Variants in HPS1 observed in about 807,000 individuals in gnomAD.
The protein encoded by HPS1 is HPS1 biogenesis of lysosomal organelles complex 3 subunit 1, also known as BLOC-3 complex member HPS1.
Under a neutral mutation model 90.6 loss-of-function variants are expected in HPS1, and 59 were observed. The observed-to-expected ratio is 0.65, with a 90% CI of 0.53 to 0.81. The LOEUF is 0.81. Ranked by LOEUF, HPS1 falls within the 30% of genes least tolerant of loss-of-function variation. The probability of loss-of-function intolerance (pLI) is 0.00; values close to 1 mark genes in which losing one functional copy is unlikely to be tolerated. For missense variants in HPS1, 849 were observed against 896.7 expected, an observed-to-expected ratio of 0.95 and a Z score of 0.68; for synonymous variants, 388 against 384.4, an observed-to-expected ratio of 1.01 and a Z score of -0.11.
chr10:98,418,202 A>G lies in HPS1; in HGVS notation c.1913T>C (p.Ile638Thr), dbSNP rs569110841. ...GTAGTAGTCTCCTCCCAGCATGCCGATAGGCACTGAGTCGTCGGAGAGGAC... is the reference window on the plus strand; with the variant it reads ...GTAGTAGTCTCCTCCCAGCATGCCGGTAGGCACTGAGTCGTCGGAGAGGAC... Reference protein sequence around the residue: ...VPVLSDDSVPIGMLGGDYYRK... With the variant: ...VPVLSDDSVPTGMLGGDYYRK... The change falls in exon 19 of 20, where the codon ATC becomes ACC. Residue 638 changes from isoleucine (I) to threonine (T), a missense_variant. By Grantham distance (89) the Ile-to-Thr change is moderately conservative. Coordinates refer to ENST00000361490, the MANE Select transcript of HPS1 (RefSeq NM_000195.5). The G allele has an allele frequency of 1.9e-6, 3 of 1,609,974 alleles. No homozygotes were observed. The highest frequency in any genetic ancestry group is 2.2e-5 in the South Asian group (2 of 90,578).
chr10:98,430,812 T>C (rs1243501524), intron 7 of HPS1, 142 bp from the exon 8 acceptor site: 2 of 739,408 alleles, frequency 2.7e-6, no homozygotes, highest in East Asian at 2.7e-5. Flanking sequence ...ATACAATTAA[T>C]TAACTCGTCA....
intron 3 of HPS1, chr10:98,442,588 C>A: frequency 5.8e-6 from 1 of 172,246 alleles, no homozygotes; most frequent in Non-Finnish European, 1.3e-5. Context: ...TCACTGCAGC[C>A]TCTACCACCT....
At chr10:98,420,457 T>C (rs903719057) in intron 17 of HPS1, 6 of 371,036 alleles carry the variant, frequency 1.6e-5, no homozygotes, top group African/African-American at 1.3e-4. Flanking sequence ...CTTACGCCTG[T>C]AATCCTAGCA....
intron 10 of HPS1, among the ~76,000 whole-genome samples, chr10:98,428,682 A>C (rs1273730800): frequency 6.9e-6 from 1 of 145,294 alleles, no homozygotes; most frequent in Non-Finnish European, 1.5e-5. Context: ...GATGATGTGG[A>C]GGGACCACAG....
In HPS1 at chr10:98,429,809, C is replaced by T. The variant is rs767934117; in HGVS notation, c.849G>A (p.Gly283=). The stretch of plus-strand genomic sequence containing the variant: ...CACACACCGTCTCTGCAGAGCTCCC[C>T]CCAGTTGGGCCCGTGGAGTGAGGGC... ...AWSPHSTGPT[G]GSSAETETDS... Residue 283 remains glycine (G), a synonymous_variant, in exon 9 of 20, where the codon GGG becomes GGA. Coordinates refer to ENST00000361490, the MANE Select transcript of HPS1 (RefSeq NM_000195.5). 5.0e-6 allele frequency: 8 copies of T among 1,613,716 alleles called. No homozygotes were observed. Among genetic ancestry groups the T allele is most frequent in the Middle Eastern group, 1.6e-4 (1 of 6,084 alleles).
chr10:98,437,268 C>G (rs1049317734), intron 3 of HPS1, among the ~76,000 whole-genome samples: 14 of 151,808 alleles, frequency 9.2e-5, no homozygotes, highest in Admixed American at 3.3e-4. Flanking sequence ...TAATGAATAC[C>G]CCACAGATAG....
At chr10:98,421,180 G>C (rs150806808) in intron 17 of HPS1, among the ~76,000 whole-genome samples, 2 of 152,206 alleles carry the variant, frequency 1.3e-5, no homozygotes, top group African/African-American at 4.8e-5. Context: ...CTGCATCGCC[G>C]TGTGATTACT....
intron 6 of HPS1, 95 bp from the exon 7 acceptor site, chr10:98,431,386 T>A: frequency 7.5e-7 from 1 of 1,338,530 alleles, no homozygotes; most frequent in Non-Finnish European, 1.0e-6. Context: ...CTGTCCACAG[T>A]GAGCTTGGAC....
Position 98,430,504 on chromosome 10 carries a change from T to A in HPS1, c.768+67A>T, listed in dbSNP as rs193290641. 14 of 1,242,322 alleles carry A rather than the reference T, an allele frequency of 1.1e-5. No homozygotes were observed. The African/African-American group carries it at 1.9e-4, about 17-fold the overall frequency. 77.0% of individuals were successfully genotyped at this position (1,242,322 alleles called of 1,614,324 possible). Reference sequence around the variant, plus strand: ...GTCCCCAGGGGGAGCCTGCCCACCATCTTCAGGCAGGTTTTCTGAACTACC... The same window carrying A: ...GTCCCCAGGGGGAGCCTGCCCACCAACTTCAGGCAGGTTTTCTGAACTACC... On this transcript the variant is annotated intron_variant, in intron 8 of 19. Transcript: ENST00000361490.
intron 13 of HPS1, among the ~76,000 whole-genome samples, chr10:98,425,004 G>A (rs1239549283): frequency 6.6e-6 from 1 of 152,226 alleles, no homozygotes; most frequent in Non-Finnish European, 1.5e-5. Context: ...CCTGATCTGG[G>A]CTTTGTCAGA....
intron 5 of HPS1, 54 bp from the exon 6 acceptor site, chr10:98,434,145 C>G (rs1164589572): frequency 4.6e-6 from 7 of 1,511,332 alleles, no homozygotes; most frequent in South Asian, 1.2e-5. Flanking sequence ...TGGTCTCCCC[C>G]ACACCCAACC....
At chr10:98,426,342 T>C (rs181677958) in intron 11 of HPS1, among the ~76,000 whole-genome samples, 46 of 152,326 alleles carry the variant, frequency 3.0e-4, no homozygotes, top group Admixed American at 7.2e-4. Context: ...TGGAGGTATC[T>C]AATGTTCAAC....
downstream of HPS1, chr10:98,415,167 G>A (rs1378199490): frequency 6.2e-7 from 1 of 1,605,172 alleles, no homozygotes; most frequent in Non-Finnish European, 8.5e-7. Context: ...GCTAGGCAGG[G>A]AGTTTGCTAG....
Position 98,422,485 on chromosome 10 carries a change from G to A in HPS1, c.1627C>T (p.His543Tyr), listed in dbSNP as rs768767258. The change falls in exon 17 of 20, where the codon CAC becomes TAC. Residue 543 changes from histidine (H) to tyrosine (Y), a missense_variant. Coordinates refer to ENST00000361490, the MANE Select transcript of HPS1 (RefSeq NM_000195.5). ...GTGGTGCGGTCCACATAGATGAAGT[G>A]CACCAAGCCTGGGAAGTCTTCTAGG... is the stretch of plus-strand genomic sequence containing the variant. ...SYLEDFPGLV[H>Y]FIYVDRTTGQ... 6.2e-7 allele frequency: 1 copy of A among 1,614,176 alleles called. No homozygotes were observed. Among genetic ancestry groups the A allele is most frequent in the Non-Finnish European group, 8.5e-7 (1 of 1,180,010 alleles).
In HPS1 at chr10:98,425,592, C is replaced by T; in HGVS notation, c.1284G>A (p.Leu428=). 6.2e-7 allele frequency: 1 copy of T among 1,613,826 alleles called. No individual in the cohort carries two copies. Among genetic ancestry groups the T allele is most frequent in the Non-Finnish European group, 8.5e-7 (1 of 1,179,916 alleles). Reference sequence around the variant, plus strand: ...TGACAAACTTGTCCATCCTCTGGCGCAGGTCTCCCACGAGGGGCTGGGAGC... The same window carrying T: ...TGACAAACTTGTCCATCCTCTGGCGTAGGTCTCCCACGAGGGGCTGGGAGC... ...SLRSQPLVGD[L]RQRMDKFVKN... is the part of the protein sequence containing the mutation. The change falls in exon 13 of 20, where the codon CTG becomes CTA. Residue 428 remains leucine (L), a synonymous_variant. Transcript: ENST00000361490.
intron 10 of HPS1, chr10:98,429,365 T>C: frequency 6.6e-7 from 1 of 1,507,284 alleles, no homozygotes; most frequent in Non-Finnish European, 8.9e-7. Context: ...TAGGGATCAG[T>C]GGAGTGGTCT....
chr10:98,431,016 G>C (rs1846369459), intron 7 of HPS1, 115 bp downstream of exon 7: 4 of 1,093,844 alleles, frequency 3.7e-6, no homozygotes, highest in Admixed American at 2.0e-5. Flanking sequence ...AAGGTTTCAG[G>C]CTTCATGGAG....
chr10:98,444,338 A>C (rs1939059220), intron 2 of HPS1, among the ~76,000 whole-genome samples: 2 of 151,394 alleles, frequency 1.3e-5, no homozygotes, highest in South Asian at 2.1e-4. Flanking sequence ...CCACTGGAAG[A>C]TCTTTAATAC....
intron 17 of HPS1, 158 bp from the exon 18 acceptor site, chr10:98,420,316 C>T: frequency 1.5e-6 from 1 of 676,852 alleles, no homozygotes; most frequent in East Asian, 2.8e-5. Flanking sequence ...GCAGGAGGCT[C>T]AACAATAAAT....
Sources: gnomAD v4.1 joint callset for allele counts (sites outside exome capture counted in the v4.1 genomes callset) on GRCh38, gnomAD v4.1.1 for gene constraint, MANE v1.5 for transcripts, NCBI Gene and HGNC (gene_info 2026-07-23, HGNC 2026-07-21) for gene names.